DLG2: variants seen among roughly 807,000 people sequenced by gnomAD.
DLG2 encodes the protein discs large MAGUK scaffold protein 2.
Under a neutral mutation model 132.5 loss-of-function variants are expected in DLG2, and 45 were observed. The observed-to-expected ratio is 0.34, with a 90% CI of 0.27 to 0.44. DLG2 has a LOEUF of 0.44. Among genes scored for constraint, DLG2 ranks in the 20% least tolerant of loss-of-function variants. The probability of loss-of-function intolerance (pLI) is 1.00; values close to 1 mark genes in which losing one functional copy is unlikely to be tolerated. For synonymous variants in DLG2, 424 were observed against 419.6 expected (o/e 1.01, Z -0.13); for missense variants, 1,045 against 1,196.9 (o/e 0.87, Z 1.87).
intron 6 of DLG2, among the ~76,000 whole-genome samples, chr11:85,089,752 A>G (rs980118643): frequency 6.6e-6 from 1 of 152,186 alleles, no homozygotes; most frequent in African/African-American, 2.4e-5. Flanking sequence ...ATCAACAGTG[A>G]AAATGGGCAA....
intron 3 of DLG2, among the ~76,000 whole-genome samples, chr11:85,581,811 G>A (rs2078545565): frequency 6.6e-6 from 1 of 152,134 alleles, no homozygotes; most frequent in Admixed American, 6.6e-5. Context: ...TGAGTCGTGA[G>A]ACAATGAGAA....
chr11:85,592,917 C>T, intron 3 of DLG2, among the ~76,000 whole-genome samples: 1 of 147,884 alleles, frequency 6.8e-6, no homozygotes, highest in Non-Finnish European at 1.5e-5. Flanking sequence ...TGCACCACTG[C>T]ACTCTAGCTT....
intron 17 of DLG2, among the ~76,000 whole-genome samples, chr11:83,830,015 C>T (rs957631265): frequency 3.3e-5 from 5 of 151,946 alleles, no homozygotes; most frequent in South Asian, 2.1e-4. Flanking sequence ...TCTGTCCTTG[C>T]GATAGTTTGC....
intron 7 of DLG2, among the ~76,000 whole-genome samples, chr11:84,374,703 C>A (rs2098722110): frequency 6.6e-6 from 1 of 152,120 alleles, no homozygotes; most frequent in Non-Finnish European, 1.5e-5. Context: ...TATCTCTCTG[C>A]CTACAGTCCC....
chr11:84,783,205 A>C (rs1001079698), intron 6 of DLG2, among the ~76,000 whole-genome samples: 7 of 152,170 alleles, frequency 4.6e-5, no homozygotes, highest in Non-Finnish European at 8.8e-5. Context: ...AGGAAAAATG[A>C]TGTGATTTGA....
chr11:84,882,651 T>A lies in DLG2; in HGVS notation c.357+229010A>T, dbSNP rs2087536742. On this transcript the variant is annotated intron_variant, in intron 6 of 27. Coordinates refer to ENST00000376104, the MANE Select transcript of DLG2 (RefSeq NM_001142699.3). ...ACTTTGGAATCTGCAGCCTTATTTT[T>A]AAAAATGTTTTCGGTAAATCAAATC... 1.3e-5 allele frequency among the ~76,000 whole-genome samples: 2 copies of A among 152,096 alleles called. 1 individual carries two copies. Among genetic ancestry groups the A allele is most frequent in the Admixed American group, 1.3e-4 (2 of 15,260 alleles).
chr11:84,387,119 GAGT>G (rs2098773841), intron 7 of DLG2, among the ~76,000 whole-genome samples: 2 of 151,952 alleles, frequency 1.3e-5, no homozygotes, highest in African/African-American at 2.4e-5. Context: ...GGAAGCAGTT[GAGT>G]CCCAGGTCAT....
At chr11:84,192,499 G>A (rs2096431298) in intron 8 of DLG2, among the ~76,000 whole-genome samples, 1 of 152,206 alleles carries the variant, frequency 6.6e-6, no homozygotes, top group Non-Finnish European at 1.5e-5. Context: ...GGGAGGCTGA[G>A]GCAGGTGGAT....
intron 6 of DLG2, among the ~76,000 whole-genome samples, chr11:84,798,245 T>TTC (rs1272223967): frequency 1.3e-5 from 2 of 152,176 alleles, no homozygotes; most frequent in African/African-American, 2.4e-5. Context: ...CAGGTTTGTG[T>TTC]TCTTCCCTTC....
intron 7 of DLG2, among the ~76,000 whole-genome samples, chr11:84,280,699 T>C (rs866001144): frequency 3.4e-5 from 5 of 145,704 alleles, no homozygotes; most frequent in African/African-American, 1.3e-4. Flanking sequence ...ACTGTTTTTT[T>C]GTTTTTTGTT....
intron 19 of DLG2, among the ~76,000 whole-genome samples, chr11:83,555,242 G>C (rs2142311697): frequency 6.6e-6 from 1 of 152,378 alleles, no homozygotes; most frequent in South Asian, 2.1e-4. Context: ...AGACCAGAGG[G>C]AAGGAGAGGC....
chr11:85,012,832 A>C (rs1592675821), intron 6 of DLG2, among the ~76,000 whole-genome samples: 2 of 152,128 alleles, frequency 1.3e-5, no homozygotes, highest in South Asian at 4.1e-4. Context: ...GAGTATAAAA[A>C]ACTTGATTTG....
chr11:84,313,687 A>G (rs901225827), intron 7 of DLG2, among the ~76,000 whole-genome samples: 11 of 141,382 alleles, frequency 7.8e-5, no homozygotes, highest in African/African-American at 2.8e-4. Flanking sequence ...GAAAGAAAGA[A>G]AAAGAAAGAG....
chr11:83,880,838 G>A (rs57457735), intron 15 of DLG2, among the ~76,000 whole-genome samples: 23,396 of 152,044 alleles, frequency 0.15, 1,879 homozygotes, highest in African/African-American at 0.2. Flanking sequence ...TTCTCTTGGC[G>A]TGATACCCAT....
At chr11:84,775,743 AG>A (rs1169586951) in intron 6 of DLG2, among the ~76,000 whole-genome samples, 4 of 152,102 alleles carry the variant, frequency 2.6e-5, no homozygotes, top group African/African-American at 9.7e-5. Flanking sequence ...GTACTACTGG[AG>A]GGGGATGGTA....
At chr11:83,484,045 T>C in intron 22 of DLG2, 84 bp downstream of exon 22, 1 of 1,094,220 alleles carries the variant, frequency 9.1e-7, no homozygotes, top group Non-Finnish European at 1.4e-6. Context: ...GTGTGTGGCG[T>C]GGGAGAGCCT....
chr11:85,618,139 G>A (rs1409637673), intron 2 of DLG2, among the ~76,000 whole-genome samples: 1 of 152,144 alleles, frequency 6.6e-6, no homozygotes, highest in South Asian at 2.1e-4. Flanking sequence ...CTGGACAGAA[G>A]AGACTGGATA....
At chr11:83,859,857 G>A (rs977885803) in intron 16 of DLG2, among the ~76,000 whole-genome samples, 18 of 152,078 alleles carry the variant, frequency 1.2e-4, no homozygotes, top group African/African-American at 2.7e-4. Context: ...TCCCTCTTCC[G>A]TGTGCAGTCT....
At chr11:84,052,752 TTGG>T (rs564674182) in intron 11 of DLG2, among the ~76,000 whole-genome samples, 180 of 151,198 alleles carry the variant, frequency 1.2e-3, no homozygotes, top group Non-Finnish European at 2.3e-3. Context: ...TTTTACACTG[TTGG>T]TGGGAGTGTA....
Sources: gnomAD v4.1 joint callset for allele counts (sites outside exome capture counted in the v4.1 genomes callset) on GRCh38, gnomAD v4.1.1 for gene constraint, MANE v1.5 for transcripts, NCBI Gene and HGNC (gene_info 2026-07-23, HGNC 2026-07-21) for gene names.